Variants in ULK1 observed in about 807,000 individuals in gnomAD.
ULK1 encodes serine/threonine-protein kinase ULK1.
In ULK1, 48 loss-of-function variants were observed where a neutral mutation model predicts 117.5. That is an observed-to-expected ratio of 0.41 (90% CI 0.32 to 0.52). ULK1 has a LOEUF of 0.52. Ranked by LOEUF, ULK1 falls within the 20% of genes least tolerant of loss-of-function variation. The pLI is 0.29. For synonymous variants in ULK1, 790 were observed against 637.8 expected, an observed-to-expected ratio of 1.24 and a Z score of -3.60; for missense variants, 1,387 against 1,473.4, an observed-to-expected ratio of 0.94 and a Z score of 0.96.
rs145457683 is a variant in ULK1 at position 131,916,274 on chromosome 12, G to A, written c.1878+115G>A. On this transcript the variant is annotated intron_variant, in intron 19 of 27. Coordinates refer to ENST00000321867, the MANE Select transcript of ULK1 (RefSeq NM_003565.4). ...GCTCTGTACCTTTTGACCCCCGCCT[G>A]GGCTCATGCTCAGGCTGCTCCCACA... 10 of 1,515,480 alleles carry A rather than the reference G, an allele frequency of 6.6e-6. No individual in the cohort carries two copies. In the African/African-American group the frequency reaches 1.1e-4, roughly 17 times the overall value. 93.9% of individuals were successfully genotyped at this position (1,515,480 alleles called of 1,614,324 possible). A position where few individuals can be genotyped will look rare whatever the true frequency, so the allele number is the denominator to read the frequency against.
Position 131,913,698 on chromosome 12 carries a change from G to GC in ULK1, c.1158-45dup, listed in dbSNP as rs765266378. ...CCAGCCTGGGTGACAGAGTGAGACT[G>GC]CCCCAAAAAAAACAAAAAAATGCCC... On this transcript the variant is annotated intron_variant, in intron 14 of 27. Transcript: ENST00000321867. 89 of 1,285,160 alleles carry GC rather than the reference G, an allele frequency of 6.9e-5. No individual in the cohort carries two copies. In the African/African-American group the frequency reaches 7.7e-4, roughly 11 times the overall value. 79.6% of individuals were successfully genotyped at this position (1,285,160 alleles called of 1,614,324 possible).
chr12:131,903,355 C>G lies in ULK1; in HGVS notation c.247-3537C>G, dbSNP rs1889158033. On this transcript the variant is annotated intron_variant, in intron 3 of 27. Coordinates refer to ENST00000321867, the MANE Select transcript of ULK1 (RefSeq NM_003565.4). This position sits in a 1 kb window ranked among gnomAD's most constrained non-coding sequence, Gnocchi z 6.0. Reference sequence around the variant, plus strand: ...CACTGGGCAGAGTGAGGACAGGACTCCAGCCCACCTGCTTGGGCTGTGCTG... The same window carrying G: ...CACTGGGCAGAGTGAGGACAGGACTGCAGCCCACCTGCTTGGGCTGTGCTG... 6.6e-6 allele frequency among the ~76,000 whole-genome samples: 1 copy of G among 152,220 alleles called. No homozygotes were observed.
rs146186922 is a variant in ULK1 at position 131,916,498 on chromosome 12, C to T, written c.1979C>T (p.Thr660Met). 205 of 1,612,162 alleles carry T rather than the reference C, an allele frequency of 1.3e-4. No individual in the cohort carries two copies. Among genetic ancestry groups the T allele is most frequent in the South Asian group, 2.1e-4 (19 of 91,046 alleles). Residue 660 changes from threonine (T) to methionine (M), a missense_variant, in exon 20 of 28, where the codon ACG (threonine) becomes ATG (methionine). Thr to Met is a moderately conservative substitution (Grantham distance 81). Coordinates refer to ENST00000321867, the MANE Select transcript of ULK1 (RefSeq NM_003565.4). ...GTGATGACGCCCCCTCGAAACCGGA[C>T]GCTGCCCGACCTCTCGGAGGTGGGA... ...GVVMTPPRNRTLPDLSEVGPF... is the reference protein window; with the variant it reads ...GVVMTPPRNRMLPDLSEVGPF...
intron 4 of ULK1, 141 bp from the exon 5 acceptor site, chr12:131,907,354 T>G (rs990576375): frequency 2.0e-6 from 2 of 1,012,476 alleles, no homozygotes; most frequent in Non-Finnish European, 2.9e-6. Context: ...GCAGGGACTG[T>G]GGGGACACCT....
At position 131,919,234 on chromosome 12, in the gene ULK1, G is replaced by A. The variant is rs374085741; in HGVS notation, c.2534G>A (p.Arg845His). ...CAGCAAGAGCACACGGAGATCCTGC[G>A]TGGCCTGCGCTTCACGCTGCTGTTC... ...LMEQEHTEIL[R>H]GLRFTLLFVQ... is the part of the protein sequence containing the mutation. Residue 845 changes from arginine (R) to histidine (H), a missense_variant, in exon 24 of 28, where the codon CGT (arginine) becomes CAT (histidine). Arg to His is a conservative substitution (Grantham distance 29). Around this residue, in one of 4 missense-constraint regions of ULK1, gnomAD observed 900 missense variants for 858.9 expected, o/e 1.05. Coordinates refer to ENST00000321867, the MANE Select transcript of ULK1 (RefSeq NM_003565.4). The A allele has an allele frequency of 8.1e-6, 13 of 1,596,750 alleles. No homozygotes were observed. The highest frequency in any genetic ancestry group is 3.3e-5 in the Admixed American group (2 of 59,708).
Position 131,915,135 on chromosome 12 carries a change from GC to G in ULK1, c.1428del (p.Ser477AlafsTer170). On this transcript the variant is annotated frameshift_variant, in exon 17 of 28. Coordinates refer to ENST00000321867, the MANE Select transcript of ULK1 (RefSeq NM_003565.4). LOFTEE classifies it high-confidence loss of function. The stretch of plus-strand genomic sequence containing the variant: ...CACCAGCCCCCTGGGCTTTGCAAGG[GC>G]CAGCCCCTCGCCCCCTGCCCACGCT... ...GSTSPLGFAR[A>X]SPSPPAHAEH... The G allele has an allele frequency of 6.2e-7, 1 of 1,603,868 alleles. No homozygotes were observed.
At position 131,921,855 on chromosome 12, in the gene ULK1, A is replaced by T. The variant is rs1890164387; in HGVS notation, c.*494A>T. The stretch of plus-strand genomic sequence containing the variant: ...ACCCAAGCACTTTATGCATATAGAG[A>T]CAGAACCTGGACCTCACCAGGGACT... On this transcript the variant is annotated 3_prime_UTR_variant, in exon 28 of 28. Transcript: ENST00000321867. The T allele has an allele frequency of 2.2e-6, 1 of 461,284 alleles. No homozygotes were observed. Among genetic ancestry groups the T allele is most frequent in the South Asian group, 1.5e-5 (1 of 64,586 alleles). 28.6% of individuals were successfully genotyped at this position (461,284 alleles called of 1,614,324 possible). A position where few individuals can be genotyped will look rare whatever the true frequency, so the allele number is the denominator to read the frequency against.
At chr12:131,919,073 G>A (rs1484040285) in intron 23 of ULK1, 139 bp from the exon 24 acceptor site, 7 of 927,752 alleles carry the variant, frequency 7.5e-6, no homozygotes, top group African/African-American at 3.4e-5. Flanking sequence ...GTCGGGCGTG[G>A]CACATCCCAG....
At chr12:131,910,097 T>C (rs1473007077) in intron 10 of ULK1, 96 bp downstream of exon 10, 2 of 1,563,736 alleles carry the variant, frequency 1.3e-6, no homozygotes, top group Non-Finnish European at 1.8e-6. Flanking sequence ...CCCAGCCCCA[T>C]GTGCACACTG....
Position 131,917,007 on chromosome 12 carries a change from A to C in ULK1, c.2127A>C (p.Thr709=). The C allele has an allele frequency of 1.3e-6, 2 of 1,579,660 alleles. No individual in the cohort carries two copies. Among genetic ancestry groups the C allele is most frequent in the Non-Finnish European group, 1.7e-6 (2 of 1,160,880 alleles). The change falls in exon 21 of 28, where the codon ACA becomes ACC. Residue 709 remains threonine, a synonymous_variant. Transcript: ENST00000321867. The part of the protein sequence containing the change: ...TDLLLKAAFG[T]QAPDPGSTES... ...TGCTCCTTAAGGCGGCGTTTGGGAC[A>C]CAAGCCCCGGACCCGGGCAGCACGG...
chr12:131,922,021 G>C lies in ULK1; in HGVS notation c.*660G>C. 1 of 454,704 alleles carries C rather than the reference G, an allele frequency of 2.2e-6. No individual in the cohort carries two copies. Among genetic ancestry groups the C allele is most frequent in the South Asian group, 1.6e-5 (1 of 64,500 alleles). The allele number at this position is 454,704 out of a possible 1,614,324, so 28.2% of individuals were successfully genotyped here. ...AGCGGGAGAACTGGCTCCGGGGGGAGTGGGGCCCTGCGCTAGAGGCAGAGG... is the reference window on the plus strand; with the variant it reads ...AGCGGGAGAACTGGCTCCGGGGGGACTGGGGCCCTGCGCTAGAGGCAGAGG... On this transcript the variant is annotated 3_prime_UTR_variant, in exon 28 of 28. Coordinates refer to ENST00000321867, the MANE Select transcript of ULK1 (RefSeq NM_003565.4).
chr12:131,916,427 C>T lies in ULK1; in HGVS notation c.1908C>T (p.Thr636=), dbSNP rs770261447. Residue 636 remains threonine (T), a synonymous_variant, in exon 20 of 28, where the codon ACC becomes ACT. Transcript: ENST00000321867. ...TGCCCTCCTTTGACTTCCCGAAGAC[C>T]CCCAGCTCCCAGAACCTGCTGGCCC... The part of the protein sequence containing the change: ...KAVPSFDFPK[T]PSSQNLLALL... 9 of 1,600,768 alleles carry T rather than the reference C, an allele frequency of 5.6e-6. No individual in the cohort carries two copies. The Admixed American group carries it at 7.0e-5, about 12-fold the overall frequency.
In ULK1 at chr12:131,909,956, C is replaced by G. The variant is rs1298316768; in HGVS notation, c.763C>G (p.Leu255Val). Residue 255 changes from leucine to valine, a missense_variant, in exon 10 of 28, where the codon CTC becomes GTC. Physicochemically the swap from Leu to Val is conservative, Grantham distance 32. This residue lies in a region of ULK1 where 260 missense variants were observed against 271.6 expected (regional missense o/e 0.96). Coordinates refer to ENST00000321867, the MANE Select transcript of ULK1 (RefSeq NM_003565.4). ...GACCTCGGCCCCGCTGCGGCAGCTG[C>G]TCCTGGCCCTACTGCAACGCAACCA... is the stretch of plus-strand genomic sequence containing the variant. ...RETSAPLRQL[L>V]LALLQRNHKD... 1.2e-6 allele frequency: 2 copies of G among 1,612,006 alleles called. No individual in the cohort carries two copies. Among genetic ancestry groups the G allele is most frequent in the Admixed American group, 3.3e-5 (2 of 59,992 alleles).
intron 14 of ULK1, 45 bp from the exon 15 acceptor site, chr12:131,913,702 C>CA (rs199854918): frequency 0.15 from 129,359 of 855,840 alleles, 18 homozygotes; most frequent in Non-Finnish European, 0.17. Flanking sequence ...GAGACTGCCC[C>CA]AAAAAAAACA....
Position 131,919,318 on chromosome 12 carries a change from G to A in ULK1, c.2618G>A (p.Gly873Asp), listed in dbSNP as rs377654013. Reference sequence around the variant, plus strand: ...GGCAGCGCCAGTGAGGCGGCGGGGGGCCCTGAGTACCAGCTGCAGGAGAGT... The same window carrying A: ...GGCAGCGCCAGTGAGGCGGCGGGGGACCCTGAGTACCAGCTGCAGGAGAGT... The part of the protein sequence containing the change: ...LKGSASEAAG[G>D]PEYQLQESVV... The change falls in exon 24 of 28, where the codon GGC becomes GAC. Residue 873 changes from glycine (G) to aspartate (D), a missense_variant. Transcript: ENST00000321867. The A allele has an allele frequency of 3.8e-6, 6 of 1,567,114 alleles. No individual in the cohort carries two copies. In the African/African-American group the frequency reaches 4.1e-5, roughly 11 times the overall value.
chr12:131,907,341 C>T (rs1324318661), intron 4 of ULK1, among the ~76,000 whole-genome samples, 154 bp from the exon 5 acceptor site: 1 of 152,192 alleles, frequency 6.6e-6, no homozygotes, highest in Non-Finnish European at 1.5e-5. Context: ...TTGATGTCTT[C>T]CAGCAGGGAC....
At chr12:131,911,900 G>A (rs1161554905) in intron 12 of ULK1, 42 bp from the exon 13 acceptor site, 1 of 1,612,562 alleles carries the variant, frequency 6.2e-7, no homozygotes, top group African/African-American at 1.3e-5. Context: ...TGAGTGTGTA[G>A]GTCCCTGAGA....
At position 131,918,453 on chromosome 12, in the gene ULK1, T is replaced by G. The variant is rs577691048; in HGVS notation, c.2327-44T>G. Reference sequence around the variant, plus strand: ...TGTGGGGGATGGATGGGGGCCACGGTGTCTGCTGGTCCTGGTGTGCCCCTC... The same window carrying G: ...TGTGGGGGATGGATGGGGGCCACGGGGTCTGCTGGTCCTGGTGTGCCCCTC... On this transcript the variant is annotated intron_variant, in intron 22 of 27. Transcript: ENST00000321867. The G allele has an allele frequency of 8.3e-6, 13 of 1,573,938 alleles. No homozygotes were observed. In the East Asian group the frequency reaches 2.8e-4, roughly 34 times the overall value.
Position 131,922,983 on chromosome 12 carries a change from T to G in ULK1, c.*1622T>G, listed in dbSNP as rs1890214522. The G allele has an allele frequency of 6.6e-6, 1 of 152,320 alleles. No homozygotes were observed. Among genetic ancestry groups the G allele is most frequent in the Non-Finnish European group, 1.5e-5 (1 of 68,060 alleles). The allele number at this position is 152,320 out of a possible 1,614,324, so 9.4% of individuals were successfully genotyped here. A position where few individuals can be genotyped will look rare whatever the true frequency, so the allele number is the denominator to read the frequency against. The stretch of plus-strand genomic sequence containing the variant: ...CTCTTGCTTCCGTCGCGGCCGCATG[T>G]GCGTGTGTCCAAGCAGGTCCTGGGC... On this transcript the variant is annotated 3_prime_UTR_variant, in exon 28 of 28. Coordinates refer to ENST00000321867, the MANE Select transcript of ULK1 (RefSeq NM_003565.4).
Sources: allele counts gnomAD v4.1 joint callset (sites outside exome capture counted in the v4.1 genomes callset), GRCh38; gene constraint gnomAD v4.1.1; regional missense constraint gnomAD v4.1.1; non-coding constraint Gnocchi (gnomAD v3.1); transcripts MANE v1.5; gene names NCBI Gene and HGNC (gene_info 2026-07-23, HGNC 2026-07-21).